The following TNRC6A variants were observed in gnomAD, a reference collection of about 807,000 sequenced individuals.
TNRC6A encodes trinucleotide repeat-containing gene 6A protein.
In TNRC6A, 44 loss-of-function variants were observed where a neutral mutation model predicts 221.2. That is an observed-to-expected ratio of 0.20 (90% confidence interval 0.16 to 0.26). TNRC6A has a LOEUF of 0.26. Among genes scored for constraint, TNRC6A ranks in the 10% least tolerant of loss-of-function variants. The probability of loss-of-function intolerance (pLI) is 1.00; values close to 1 mark genes in which losing one functional copy is unlikely to be tolerated. For synonymous variants in TNRC6A, 847 were observed against 838.5 expected (o/e 1.01, Z -0.18); for missense variants, 2,199 against 2,404.4 (o/e 0.91, Z 1.79).
intron 2 of TNRC6A, among the ~76,000 whole-genome samples, chr16:24,669,455 C>T (rs541173591): frequency 6.6e-6 from 1 of 151,202 alleles, no homozygotes; most frequent in South Asian, 2.1e-4. Flanking sequence ...CAACACTGCA[C>T]TCCAGCCTGG....
chr16:24,760,130 T>G (rs141663750), intron 4 of TNRC6A, among the ~76,000 whole-genome samples: 2 of 151,968 alleles, frequency 1.3e-5, no homozygotes, highest in Non-Finnish European at 2.9e-5. Flanking sequence ...TCTTTCATGT[T>G]CATTCTTGTT....
chr16:24,822,015 G>A (rs1168165320), intron 22 of TNRC6A, 62 bp from the exon 23 acceptor site: 1 of 1,504,618 alleles, frequency 6.6e-7, no homozygotes, highest in Non-Finnish European at 9.3e-7. Context: ...GATCTGCTAA[G>A]TAACTGTAGT....
intron 1 of TNRC6A, among the ~76,000 whole-genome samples, chr16:24,624,511 C>A (rs574671894): frequency 1.3e-5 from 2 of 152,068 alleles, no homozygotes; most frequent in African/African-American, 4.8e-5. Context: ...CAGGATCCCA[C>A]TCTGTTGCCC....
chr16:24,772,516 G>A (rs1285578434), intron 4 of TNRC6A, among the ~76,000 whole-genome samples: 3 of 151,700 alleles, frequency 2.0e-5, no homozygotes, highest in Non-Finnish European at 1.5e-5. Context: ...ACTATTAAAG[G>A]CCATGTGCAG....
intron 2 of TNRC6A, among the ~76,000 whole-genome samples, chr16:24,748,586 AGT>A (rs1210897555): frequency 6.6e-6 from 1 of 152,170 alleles, no homozygotes. Flanking sequence ...AGCTGATTTT[AGT>A]AGTCCTATAC....
chr16:24,673,791 C>A (rs971971768), intron 2 of TNRC6A, among the ~76,000 whole-genome samples: 1 of 152,180 alleles, frequency 6.6e-6, no homozygotes. Context: ...CTCCTGGGCT[C>A]AAGCGAACTA....
chr16:24,809,075 C>T (rs752334202), intron 17 of TNRC6A, among the ~76,000 whole-genome samples: 1 of 152,212 alleles, frequency 6.6e-6, no homozygotes, highest in African/African-American at 2.4e-5. Flanking sequence ...CATAGGTACA[C>T]TTGGGAAATA....
chr16:24,724,724 A>G (rs1335188792), upstream of TNRC6A, among the ~76,000 whole-genome samples: 1 of 152,236 alleles, frequency 6.6e-6, no homozygotes, highest in Non-Finnish European at 1.5e-5. Context: ...AGCCAGGGTG[A>G]CAGAGCAAGA....
At chr16:24,667,893 C>T (rs562785527) in intron 2 of TNRC6A, among the ~76,000 whole-genome samples, 33 of 152,130 alleles carry the variant, frequency 2.2e-4, no homozygotes, top group African/African-American at 7.5e-4. Flanking sequence ...GGCGTGATGG[C>T]ACATGCCCAT....
At chr16:24,816,719 A>G (rs2058666177) in intron 19 of TNRC6A, 97 bp from the exon 20 acceptor site, 2 of 1,391,284 alleles carry the variant, frequency 1.4e-6, no homozygotes, top group Non-Finnish European at 1.9e-6. Context: ...AGTATTTGAG[A>G]GTTGCATAGG....
chr16:24,792,469 G>T (rs2058124078), intron 6 of TNRC6A, among the ~76,000 whole-genome samples: 1 of 151,664 alleles, frequency 6.6e-6, no homozygotes, highest in South Asian at 2.1e-4. Context: ...GTGCTTTCAT[G>T]AGCTAACTTT....
intron 2 of TNRC6A, among the ~76,000 whole-genome samples, chr16:24,730,584 C>T (rs1456389927): frequency 6.6e-6 from 1 of 151,680 alleles, no homozygotes; most frequent in Admixed American, 6.6e-5. Context: ...GGGACTTGTG[C>T]ATTAATTACT....
At chr16:24,660,750 T>C (rs1413494706) in intron 2 of TNRC6A, among the ~76,000 whole-genome samples, 1 of 137,790 alleles carries the variant, frequency 7.3e-6, no homozygotes, top group South Asian at 2.4e-4. Flanking sequence ...TTTTTTTTTT[T>C]TTTTTTTTTG....
intron 4 of TNRC6A, among the ~76,000 whole-genome samples, chr16:24,764,263 G>C (rs1056957013): frequency 4.0e-5 from 6 of 151,456 alleles, no homozygotes; most frequent in Non-Finnish European, 8.8e-5. Flanking sequence ...CAAATGGCAG[G>C]CTCTCCTGTT....
At chr16:24,764,582 A>G (rs1044317219) in intron 4 of TNRC6A, among the ~76,000 whole-genome samples, 56 of 152,164 alleles carry the variant, frequency 3.7e-4, no homozygotes, top group African/African-American at 1.3e-3. Flanking sequence ...CTAGCCTCCC[A>G]AAGTGCTGGG....
chr16:24,751,970 G>A (rs1315648657), intron 3 of TNRC6A, among the ~76,000 whole-genome samples: 2 of 152,170 alleles, frequency 1.3e-5, no homozygotes, highest in East Asian at 3.9e-4. Context: ...TTGGTAGCCT[G>A]TATGCATTAA....
chr16:24,793,605 C>A lies in TNRC6A; in HGVS notation c.3308C>A (p.Thr1103Lys). 6.4e-7 allele frequency: 1 copy of A among 1,553,978 alleles called. No individual in the cohort carries two copies. The highest frequency in any genetic ancestry group is 1.3e-5 in the South Asian group (1 of 78,398). The change falls in exon 7 of 25, where the codon ACG becomes AAG. Residue 1103 changes from threonine (T) to lysine (K), a missense_variant. Thr to Lys is a moderately conservative substitution (Grantham distance 78). Around this residue, in one of 8 missense-constraint regions of TNRC6A, gnomAD observed 1,405 missense variants for 1,400.2 expected, o/e 1.00. Coordinates refer to ENST00000395799, the MANE Select transcript of TNRC6A (RefSeq NM_014494.4). Reference protein sequence around the residue: ...EPIAAASSTSTWGSSSVGPQA... With the variant: ...EPIAAASSTSKWGSSSVGPQA... Reference sequence around the variant, plus strand: ...ATTGCTGCGGCATCCAGCACATCCACGTGGGGCTCCAGCTCTGTTGGTCCA... The same window carrying A: ...ATTGCTGCGGCATCCAGCACATCCAAGTGGGGCTCCAGCTCTGTTGGTCCA...
At chr16:24,751,648 T>C (rs1260592587) in intron 3 of TNRC6A, among the ~76,000 whole-genome samples, 1 of 152,240 alleles carries the variant, frequency 6.6e-6, no homozygotes, top group African/African-American at 2.4e-5. Flanking sequence ...GTGAAATTAC[T>C]GTTTCAATTA....
intron 2 of TNRC6A, among the ~76,000 whole-genome samples, chr16:24,721,249 T>G (rs1041270526): frequency 2.6e-5 from 4 of 152,206 alleles, no homozygotes; most frequent in African/African-American, 9.6e-5. Context: ...ATTCTATTTC[T>G]GGGTATTTAT....
Sources: allele counts gnomAD v4.1 joint callset (sites outside exome capture counted in the v4.1 genomes callset), GRCh38; gene constraint gnomAD v4.1.1; regional missense constraint gnomAD v4.1.1; transcripts MANE v1.5; gene names NCBI Gene and HGNC (gene_info 2026-07-23, HGNC 2026-07-21).